EPG5: variants seen among roughly 807,000 people sequenced by gnomAD.
EPG5 encodes the protein ectopic P-granules 5 autophagy tethering factor.
A neutral mutation model predicts 302.7 loss-of-function variants in EPG5; 159 were observed. The ratio of observed to expected loss-of-function variants is 0.53; its 90% CI spans 0.46 to 0.60. The LOEUF is 0.60. Ranked by LOEUF, EPG5 falls within the 20% of genes least tolerant of loss-of-function variation. The pLI is 0.00. For missense variants in EPG5, 2,896 were observed against 3,092.4 expected, an observed-to-expected ratio of 0.94 and a Z score of 1.51; for synonymous variants, 1,158 against 1,136.8, an observed-to-expected ratio of 1.02 and a Z score of -0.37.
intron 11 of EPG5, among the ~76,000 whole-genome samples, chr18:45,931,261 C>T (rs1028770294): frequency 3.9e-5 from 6 of 152,154 alleles, no homozygotes; most frequent in African/African-American, 1.4e-4. Context: ...ATGAAAACTG[C>T]TAATACTAGC....
chr18:45,954,316 G>C, intron 2 of EPG5, 78 bp downstream of exon 2: 1 of 1,337,760 alleles, frequency 7.5e-7, no homozygotes, highest in Non-Finnish European at 1.0e-6. Context: ...GTGGGTGTAA[G>C]GCACAGACTC....
intron 10 of EPG5, among the ~76,000 whole-genome samples, chr18:45,938,461 CAA>C (rs201985053): frequency 2.6e-4 from 23 of 88,578 alleles, no homozygotes; most frequent in Admixed American, 4.4e-4. Context: ...GACTCCATCT[CAA>C]AAAAAAAAAA....
Position 45,967,166 on chromosome 18 carries a change from G to A in EPG5, c.63+11C>T. The A allele has an allele frequency of 1.9e-6, 3 of 1,550,556 alleles. No homozygotes were observed. The highest frequency in any genetic ancestry group is 2.6e-6 in the Non-Finnish European group (3 of 1,137,564). Reference sequence around the variant, plus strand: ...CTGCCAGAGCCTCGGGAGGGTGGGGGAGATCCTCACCTTTGTTTTAGTCCG... The same window carrying A: ...CTGCCAGAGCCTCGGGAGGGTGGGGAAGATCCTCACCTTTGTTTTAGTCCG... On this transcript the variant is annotated intron_variant, in intron 1 of 43. Transcript: ENST00000282041.
chr18:45,885,034 G>GATT (rs1389482488), intron 29 of EPG5, among the ~76,000 whole-genome samples: 42 of 152,246 alleles, frequency 2.8e-4, no homozygotes, highest in Admixed American at 2.6e-3. Context: ...ATTTGGACAA[G>GATT]TCACACAGAA....
chr18:45,913,313 A>G (rs754925877), intron 21 of EPG5, among the ~76,000 whole-genome samples: 5 of 152,164 alleles, frequency 3.3e-5, no homozygotes, highest in Non-Finnish European at 7.3e-5. Flanking sequence ...TCTTTCCCAC[A>G]TATTAGTAAG....
At chr18:45,837,253 G>A in the EPG5 span, among the ~76,000 whole-genome samples, 1 of 152,216 alleles carries the variant, frequency 6.6e-6, no homozygotes, top group African/African-American at 2.4e-5. Context: ...GAGGGGAATA[G>A]TCCCAGGGAA....
chr18:45,938,369 G>A (rs1343383053), intron 10 of EPG5, among the ~76,000 whole-genome samples: 2 of 150,580 alleles, frequency 1.3e-5, no homozygotes, highest in South Asian at 2.1e-4. Flanking sequence ...GGCTGAGGTG[G>A]AAGAGTTGCT....
At chr18:45,891,819 A>C (rs1217663684) in intron 27 of EPG5, among the ~76,000 whole-genome samples, 1 of 152,260 alleles carries the variant, frequency 6.6e-6, no homozygotes, top group Non-Finnish European at 1.5e-5. Flanking sequence ...TAATTAGATA[A>C]TAAATCAATA....
chr18:45,901,021 G>T lies in EPG5; in HGVS notation c.4621C>A (p.Leu1541Met). 1 of 1,613,962 alleles carries T rather than the reference G, an allele frequency of 6.2e-7. No individual in the cohort carries two copies. Among genetic ancestry groups the T allele is most frequent in the Non-Finnish European group, 8.5e-7 (1 of 1,179,890 alleles). ...CTGGCCTGCTGTTGCAACAGATTCA[G>T]GTCTGTGCACACCAGCTGGGTGGCG... ...KDATQLVCTD[L>M]NLLQQQARTA... is the part of the protein sequence containing the mutation. Residue 1541 changes from leucine (L) to methionine (M), a missense_variant, in exon 26 of 44, where the codon CTG (leucine) becomes ATG (methionine). Leu to Met is a conservative substitution (Grantham distance 15). Coordinates refer to ENST00000282041, the MANE Select transcript of EPG5 (RefSeq NM_020964.3).
chr18:45,883,694 A>T (rs11875230), intron 30 of EPG5, among the ~76,000 whole-genome samples: 5,163 of 142,212 alleles, frequency 0.036, 293 homozygotes, highest in African/African-American at 0.12. Flanking sequence ...CCTACGCTCA[A>T]GCAATCTTCA....
At chr18:45,966,915 G>C (rs914004766) in intron 1 of EPG5, among the ~76,000 whole-genome samples, 20 of 152,184 alleles carry the variant, frequency 1.3e-4, no homozygotes, top group Admixed American at 2.0e-4. Context: ...AAAGCCAAGA[G>C]AGCAGAAAAG....
intron 2 of EPG5, chr18:45,953,519 C>G (rs2050956981): frequency 1.0e-6 from 1 of 985,286 alleles, no homozygotes; most frequent in Non-Finnish European, 1.2e-6. Flanking sequence ...AATATCCCCT[C>G]CAGCTTCCCT....
At chr18:45,919,905 C>T (rs537538568) in intron 16 of EPG5, among the ~76,000 whole-genome samples, 24 of 152,246 alleles carry the variant, frequency 1.6e-4, no homozygotes, top group Non-Finnish European at 2.6e-4. Context: ...TACAGGAAGC[C>T]GTTAATAACA....
In EPG5 at chr18:45,919,431, G is replaced by A. The variant is rs114644609; in HGVS notation, c.3099-1612C>T. ...GTCCCAGAATGGATACAAGAAATTC[G>A]AGAAATCATAAAACACTTAAGTTCA... On this transcript the variant is annotated intron_variant, in intron 16 of 43. Transcript: ENST00000282041. 5.7e-3 allele frequency among the ~76,000 whole-genome samples: 865 copies of A among 152,056 alleles called. 15 individuals are homozygous for A. Among genetic ancestry groups the A allele is most frequent in the African/African-American group, 0.02 (834 of 41,446 alleles).
intron 17 of EPG5, 66 bp downstream of exon 17, chr18:45,917,613 G>C (rs2050061559): frequency 1.3e-6 from 2 of 1,569,668 alleles, no homozygotes; most frequent in Admixed American, 1.8e-5. Flanking sequence ...GAAACCAGAA[G>C]ACACAATCAT....
the EPG5 span, chr18:45,839,098 G>C: frequency 7.1e-7 from 1 of 1,398,714 alleles, no homozygotes; most frequent in Admixed American, 3.6e-5. Context: ...CCGCCCAGGT[G>C]GGTGCGCCCC....
chr18:45,828,446 C>T, the EPG5 span, among the ~76,000 whole-genome samples: 1 of 152,110 alleles, frequency 6.6e-6, no homozygotes. Context: ...TGCCAGGGAA[C>T]GTGGGGCAGG....
At chr18:45,887,727 G>A (rs2049248870) in intron 29 of EPG5, 24 bp downstream of exon 29, 1 of 1,499,798 alleles carries the variant, frequency 6.7e-7, no homozygotes, top group Non-Finnish European at 9.0e-7. Context: ...ATCTGATCAA[G>A]GCAAAAGGTA....
the EPG5 span, among the ~76,000 whole-genome samples, chr18:45,813,901 C>T: frequency 1.1e-4 from 16 of 151,600 alleles, no homozygotes; most frequent in African/African-American, 3.9e-4. Context: ...TACCCTAGAA[C>T]TTAAAGTATA....
Sources: gnomAD v4.1 joint callset for allele counts (sites outside exome capture counted in the v4.1 genomes callset) on GRCh38, gnomAD v4.1.1 for gene constraint, MANE v1.5 for transcripts, NCBI Gene and HGNC (gene_info 2026-07-23, HGNC 2026-07-21) for gene names.